The following NPC1 variants were observed in gnomAD, a reference collection of about 807,000 sequenced individuals.
NPC1 encodes the protein Niemann-Pick C1 protein.
Under a neutral mutation model 140.4 loss-of-function variants are expected in NPC1, and 85 were observed. That is an observed-to-expected ratio of 0.61 (90% CI 0.51 to 0.72). The LOEUF is 0.72. Ranked by LOEUF, NPC1 falls within the 30% of genes least tolerant of loss-of-function variation. NPC1 has a pLI of 0.00. For missense variants in NPC1, 1,504 were observed against 1,623.8 expected, an observed-to-expected ratio of 0.93 and a Z score of 1.27; for synonymous variants, 656 against 624.8, an observed-to-expected ratio of 1.05 and a Z score of -0.74.
chr18:23,516,080 G>C (rs2057995846), intron 3 of NPC1: 1 of 1,587,490 alleles, frequency 6.3e-7, no homozygotes, highest in East Asian at 2.2e-5. Flanking sequence ...AGGCACGTTA[G>C]GGACAGGTTC....
chr18:23,586,394 T>TC lies in NPC1; in HGVS notation c.-52dup. 6.5e-7 allele frequency: 1 copy of TC among 1,529,240 alleles called. No individual in the cohort carries two copies. The highest frequency in any genetic ancestry group is 8.7e-7 in the Non-Finnish European group (1 of 1,144,314). The allele number at this position is 1,529,240 out of a possible 1,614,324, so 94.7% of individuals were successfully genotyped here. A position where few individuals can be genotyped will look rare whatever the true frequency, so the allele number is the denominator to read the frequency against. On this transcript the variant is annotated 5_prime_UTR_variant, in exon 1 of 25. Transcript: ENST00000269228. ...GCCGGCGGCGTTCGGCTGGTTGGGC[T>TC]CCCCGGAGGCGGCTCTACTTCCCCG...
At chr18:23,518,476 AGAGG>A (rs2058065980), downstream of NPC1, among the ~76,000 whole-genome samples, 1 of 152,142 alleles carries the variant, frequency 6.6e-6, no homozygotes, top group South Asian at 2.1e-4. Flanking sequence ...CCTGGGTGAC[AGAGG>A]GAGACCCTGT....
In NPC1 at chr18:23,554,984, C is replaced by A; in HGVS notation, c.1327G>T (p.Val443Phe). ...PPLDIQILHQ[V>F]LDLQIAIENI... ...TCGATGGCTATTTGTAAGTCAAGAA[C>A]CTGAAAGAAGATTTTAAAAATAAGC... The change falls in exon 9 of 25, where the codon GTT becomes TTT. Residue 443 changes from valine to phenylalanine, a missense_variant and splice_region_variant. By Grantham distance (50) the Val-to-Phe change is conservative. Transcript: ENST00000269228. 1 of 1,601,804 alleles carries A rather than the reference C, an allele frequency of 6.2e-7. No homozygotes were observed.
In NPC1 at chr18:23,554,867, A is replaced by G. The variant is rs1009526664; in HGVS notation, c.1444T>C (p.Leu482=). 6 of 1,614,176 alleles carry G rather than the reference A, an allele frequency of 3.7e-6. No homozygotes were observed. The highest frequency in any genetic ancestry group is 5.1e-6 in the Non-Finnish European group (6 of 1,179,994). Residue 482 remains leucine (L), a synonymous_variant, in exon 9 of 25, where the codon TTG becomes CTG. Transcript: ENST00000269228. ...LSPYNTNCTI[L]SVLNYFQNSH... Reference sequence around the variant, plus strand: ...TTCTGGAAGTAATTTAACACACTCAAAATGGTGCAGTTCGTGTTATACGGT... The same window carrying G: ...TTCTGGAAGTAATTTAACACACTCAGAATGGTGCAGTTCGTGTTATACGGT...
downstream of NPC1, chr18:23,529,373 C>G (rs1457123376): frequency 5.8e-6 from 9 of 1,538,498 alleles, no homozygotes; most frequent in African/African-American, 1.4e-5. Context: ...GAGGAGACTT[C>G]ATGTGATTAG....
At chr18:23,532,423 G>A (rs1297808301) in intron 24 of NPC1, 139 bp from the exon 25 acceptor site, 9 of 893,452 alleles carry the variant, frequency 1.0e-5, no homozygotes, top group African/African-American at 4.9e-5. Flanking sequence ...ACAACAGAGT[G>A]AGACCACATC....
intron 3 of NPC1, among the ~76,000 whole-genome samples, chr18:23,512,642 G>C (rs1340468656): frequency 6.7e-6 from 1 of 148,206 alleles, no homozygotes; most frequent in Non-Finnish European, 1.5e-5. Flanking sequence ...GTGTTGCCTA[G>C]ACTGGTCTTG....
rs199887728 is a variant in NPC1, at chr18:23,560,314, G to A, written c.798C>T (p.Asp266=). Residue 266 remains aspartate, a synonymous_variant, in exon 6 of 25, where the codon GAC becomes GAT. Transcript: ENST00000269228. ...TGATCCACATGATGACATACATGGC[G>A]TCCAAGCCAAGGATCGTCCAGGGAG... ...PPAPWTILGL[D]AMYVIMWITY... The A allele has an allele frequency of 1.5e-5, 25 of 1,614,138 alleles. No homozygotes were observed. Among genetic ancestry groups the A allele is most frequent in the South Asian group, 2.2e-5 (2 of 91,080 alleles).
chr18:23,570,756 G>A (rs1185927432), intron 3 of NPC1, among the ~76,000 whole-genome samples: 5 of 152,226 alleles, frequency 3.3e-5, no homozygotes, highest in Admixed American at 2.0e-4. Context: ...GCTAGGCCTA[G>A]AGAAGAACAT....
Position 23,536,870 on chromosome 18 carries a change from A to G in NPC1, c.3048T>C (p.His1016=), listed in dbSNP as rs369362891. 40 of 1,613,658 alleles carry G rather than the reference A, an allele frequency of 2.5e-5. No homozygotes were observed. Among genetic ancestry groups the G allele is most frequent in the Non-Finnish European group, 3.1e-5 (36 of 1,179,904 alleles). ...TGTTAACTGCAGAACTATAGGCAGCATGTCCCCTGAGGAAAGAATCCTGGG... is the reference window on the plus strand; with the variant it reads ...TGTTAACTGCAGAACTATAGGCAGCGTGTCCCCTGAGGAAAGAATCCTGGG... The part of the protein sequence containing the change: ...NPNPKCGKGG[H]AAYSSAVNIL... Residue 1016 remains histidine (H), a synonymous_variant, in exon 21 of 25, where the codon CAT becomes CAC. Transcript: ENST00000269228.
downstream of NPC1, chr18:23,524,611 ATTTT>A (rs113496800): frequency 4.1e-4 from 294 of 719,366 alleles, no homozygotes; most frequent in South Asian, 1.0e-3. Context: ...TGGGAATGGG[ATTTT>A]TTTTTTTCAC....
At chr18:23,554,133 C>T (rs541326267) in intron 9 of NPC1, among the ~76,000 whole-genome samples, 3 of 152,282 alleles carry the variant, frequency 2.0e-5, no homozygotes, top group East Asian at 1.9e-4. Flanking sequence ...CTGGTTCTGC[C>T]GGGAACTCTC....
intron 24 of NPC1, 152 bp from the exon 25 acceptor site, chr18:23,532,436 T>C (rs2058543396): frequency 2.4e-6 from 2 of 840,838 alleles, no homozygotes; most frequent in South Asian, 2.8e-5. Flanking sequence ...ACCACATCTC[T>C]CTCCCTCTCT....
At chr18:23,568,102 AATCT>A (rs1473591439) in intron 4 of NPC1, among the ~76,000 whole-genome samples, 2 of 152,122 alleles carry the variant, frequency 1.3e-5, no homozygotes, top group Non-Finnish European at 2.9e-5. Flanking sequence ...AGATAAATAT[AATCT>A]ATTTTCTCAT....
intron 1 of NPC1, among the ~76,000 whole-genome samples, chr18:23,577,369 A>AT (rs1241820294): frequency 6.7e-6 from 1 of 149,174 alleles, no homozygotes; most frequent in Admixed American, 6.6e-5. Context: ...CAGGGTGCTG[A>AT]TTGGTGTATT....
chr18:23,571,232 T>TA (rs10715014), intron 3 of NPC1, among the ~76,000 whole-genome samples: 222 of 147,040 alleles, frequency 1.5e-3, no homozygotes, highest in South Asian at 0.013. Flanking sequence ...AAACTGACTT[T>TA]AAAAAAAAAA....
chr18:23,531,912 C>T lies in NPC1; in HGVS notation c.*290G>A. 6.9e-7 allele frequency: 1 copy of T among 1,441,714 alleles called. No homozygotes were observed. The highest frequency in any genetic ancestry group is 9.0e-7 in the Non-Finnish European group (1 of 1,105,344). The allele number at this position is 1,441,714 out of a possible 1,614,324, so 89.3% of individuals were successfully genotyped here. A position where few individuals can be genotyped will look rare whatever the true frequency, so the allele number is the denominator to read the frequency against. On this transcript the variant is annotated 3_prime_UTR_variant, in exon 25 of 25. Transcript: ENST00000269228. ...CTTTACAGAGTGTCAGTGAGCGGAT[C>T]ACATTCACAGCCATCTAGTGTCACC... is the stretch of plus-strand genomic sequence containing the variant.
Position 23,524,216 on chromosome 18 carries a change from G to A in NPC1, c.164-1310C>T, listed in dbSNP as rs1328157214. ...TGTGGCACCGTGCACAACAGGGCAA[G>A]TGGTCACCCTCAGAGAGTGGTCCTG... On this transcript the variant is annotated intron_variant, in intron 1 of 1. Coordinates refer to the NPC1 transcript ENST00000590723. The A allele has an allele frequency of 3.1e-6, 5 of 1,607,968 alleles. No individual in the cohort carries two copies. The East Asian group carries it at 1.1e-4, about 36-fold the overall frequency.
chr18:23,526,538 C>T (rs2145263438), downstream of NPC1: 1 of 1,458,360 alleles, frequency 6.9e-7, no homozygotes, highest in East Asian at 2.3e-5. Flanking sequence ...CTTTTTATCA[C>T]CACCTGCCAC....
Sources: gnomAD v4.1 joint callset for allele counts (sites outside exome capture counted in the v4.1 genomes callset) on GRCh38, gnomAD v4.1.1 for gene constraint, MANE v1.5 for transcripts, NCBI Gene and HGNC (gene_info 2026-07-23, HGNC 2026-07-21) for gene names.